The following SCHIP1 variants were observed in gnomAD, a reference collection of about 807,000 sequenced individuals.
SCHIP1 encodes the protein schwannomin interacting protein 1, also known as schwannomin-interacting protein 1.
A neutral mutation model predicts 29.7 loss-of-function variants in SCHIP1; 8 were observed. The observed-to-expected ratio is 0.27, with a 90% CI of 0.16 to 0.49. The LOEUF (loss-of-function observed/expected upper bound fraction) is 0.49, where lower values mean the gene tolerates loss of function less well. SCHIP1 is among the 20% of genes least tolerant of loss of function. The pLI is 0.99. For synonymous variants in SCHIP1, 76 were observed against 94.9 expected (o/e 0.80, Z 1.16); for missense variants, 193 against 294.6 (o/e 0.66, Z 2.52).
At chr3:159,433,248 A>C in the SCHIP1 span, among the ~76,000 whole-genome samples, 1 of 152,180 alleles carries the variant, frequency 6.6e-6, no homozygotes, top group South Asian at 2.1e-4. Context: ...TTTAGTGGGA[A>C]GCGTCTTTAA....
At chr3:159,345,648 T>G in the SCHIP1 span, among the ~76,000 whole-genome samples, 1 of 152,094 alleles carries the variant, frequency 6.6e-6, no homozygotes, top group Non-Finnish European at 1.5e-5. Context: ...GTGGTTTCTG[T>G]TCTCTCCTAC....
the SCHIP1 span, among the ~76,000 whole-genome samples, chr3:159,736,446 G>T: frequency 2.0e-5 from 3 of 152,328 alleles, no homozygotes; most frequent in Non-Finnish European, 2.9e-5. Flanking sequence ...AGATCCTAGT[G>T]CAGTTGAATC....
At chr3:159,731,147 C>T in the SCHIP1 span, among the ~76,000 whole-genome samples, 1 of 152,220 alleles carries the variant, frequency 6.6e-6, no homozygotes, top group Non-Finnish European at 1.5e-5. Context: ...TAGGTGCTGG[C>T]TGGAGCCACC....
the SCHIP1 span, among the ~76,000 whole-genome samples, chr3:159,591,325 G>A: frequency 6.6e-6 from 1 of 152,158 alleles, no homozygotes; most frequent in African/African-American, 2.4e-5. Context: ...TGGTGGGAGT[G>A]TAAATTAGTT....
At chr3:159,616,532 A>T in the SCHIP1 span, among the ~76,000 whole-genome samples, 1 of 152,218 alleles carries the variant, frequency 6.6e-6, no homozygotes, top group Non-Finnish European at 1.5e-5. Flanking sequence ...GGCTGGGGAC[A>T]TGGACGATTT....
the SCHIP1 span, among the ~76,000 whole-genome samples, chr3:159,515,615 G>GA: frequency 6.6e-6 from 1 of 152,216 alleles, no homozygotes; most frequent in Non-Finnish European, 1.5e-5. Context: ...CCGTTTTAAT[G>GA]AAAAAATTCT....
the SCHIP1 span, among the ~76,000 whole-genome samples, chr3:159,556,962 AT>A: frequency 5.0e-4 from 73 of 146,110 alleles, no homozygotes; most frequent in South Asian, 3.7e-3. Flanking sequence ...AAAAAAAAAG[AT>A]TTTTTTTTTT....
the SCHIP1 span, among the ~76,000 whole-genome samples, chr3:159,717,582 T>A: frequency 2.0e-5 from 3 of 152,034 alleles, no homozygotes; most frequent in East Asian, 5.8e-4. Flanking sequence ...CAAACTACCA[T>A]CAGAGAATAC....
chr3:159,350,779 C>A, the SCHIP1 span, among the ~76,000 whole-genome samples: 1 of 152,134 alleles, frequency 6.6e-6, no homozygotes, highest in Non-Finnish European at 1.5e-5. Context: ...CAGCAATAAT[C>A]TACCCATTTA....
chr3:159,803,785 C>T, the SCHIP1 span, among the ~76,000 whole-genome samples: 9 of 152,286 alleles, frequency 5.9e-5, no homozygotes, highest in African/African-American at 2.2e-4. Flanking sequence ...AGCGTTCCTT[C>T]GTCCAGGGGA....
chr3:159,892,668 C>G (rs77576890), intron 6 of SCHIP1: 2,345 of 171,104 alleles, frequency 0.014, 32 homozygotes, highest in Non-Finnish European at 0.02. Context: ...ATTGTTCTCA[C>G]CATGGGGAAA....
the SCHIP1 span, among the ~76,000 whole-genome samples, chr3:159,575,550 C>G: frequency 3.3e-5 from 5 of 152,172 alleles, no homozygotes; most frequent in Non-Finnish European, 7.4e-5. Flanking sequence ...ATCCTCCTAA[C>G]TCAGCCTCCC....
the SCHIP1 span, among the ~76,000 whole-genome samples, chr3:159,830,297 C>A: frequency 1.2e-3 from 186 of 152,244 alleles, no homozygotes; most frequent in Admixed American, 0.012. Context: ...TAGATTTGAA[C>A]TCAGAATAAT....
At chr3:159,655,358 G>A in the SCHIP1 span, among the ~76,000 whole-genome samples, 61 of 152,200 alleles carry the variant, frequency 4.0e-4, no homozygotes, top group Non-Finnish European at 6.6e-4. Context: ...TGAAGCATGC[G>A]ACAATGGTAG....
intron 1 of SCHIP1, among the ~76,000 whole-genome samples, chr3:159,856,114 T>A (rs1365025916): frequency 1.3e-5 from 2 of 152,194 alleles, no homozygotes; most frequent in African/African-American, 2.4e-5. Flanking sequence ...TGTGAGCAAG[T>A]TCTGATCCCC....
the SCHIP1 span, among the ~76,000 whole-genome samples, chr3:159,475,300 G>T: frequency 6.6e-6 from 1 of 152,156 alleles, no homozygotes; most frequent in Non-Finnish European, 1.5e-5. Context: ...TGAAAATTAT[G>T]CTGAATGAAA....
chr3:159,635,236 C>CATT, the SCHIP1 span, among the ~76,000 whole-genome samples: 95 of 152,118 alleles, frequency 6.2e-4, no homozygotes, highest in Non-Finnish European at 1.2e-3. Flanking sequence ...ACTGCCCAGG[C>CATT]ATTAGCCAAG....
the SCHIP1 span, among the ~76,000 whole-genome samples, chr3:159,688,712 A>C: frequency 6.6e-6 from 1 of 152,128 alleles, no homozygotes; most frequent in East Asian, 1.9e-4. Context: ...GTTTTCTTCT[A>C]GGGTTTTTAT....
At chr3:159,613,063 A>T in the SCHIP1 span, among the ~76,000 whole-genome samples, 2 of 152,356 alleles carry the variant, frequency 1.3e-5, no homozygotes, top group East Asian at 3.9e-4. Flanking sequence ...TTTTGGTCAC[A>T]TAATATGAAG....
Sources: gnomAD v4.1 joint callset for allele counts (sites outside exome capture counted in the v4.1 genomes callset) on GRCh38, gnomAD v4.1.1 for gene constraint, MANE v1.5 for transcripts, NCBI Gene and HGNC (gene_info 2026-07-23, HGNC 2026-07-21) for gene names.